CFAP251: variants seen among roughly 807,000 people sequenced by gnomAD.
CFAP251 encodes the protein cilia and flagella associated protein 251, also known as cilia- and flagella-associated protein 251.
CFAP251 carries 93 observed loss-of-function variants against 126.7 expected under a neutral mutation model. The ratio of observed to expected loss-of-function variants is 0.73; its 90% CI spans 0.62 to 0.87. The LOEUF is 0.87. CFAP251 is among the 40% of genes least tolerant of loss of function. CFAP251 has a pLI of 0.00. For missense variants in CFAP251, 1,287 were observed against 1,389.2 expected (o/e 0.93, Z 1.17); for synonymous variants, 503 against 506.9 (o/e 0.99, Z 0.10).
At chr12:121,957,345 G>A in intron 11 of CFAP251, 77 bp downstream of exon 11, 3 of 1,393,370 alleles carry the variant, frequency 2.2e-6, no homozygotes, top group Non-Finnish European at 2.9e-6. Context: ...TACAGTGGGA[G>A]GTTCGTGTTG....
intron 7 of CFAP251, among the ~76,000 whole-genome samples, chr12:121,947,217 G>T (rs141038547): frequency 6.6e-6 from 1 of 151,934 alleles, no homozygotes; most frequent in East Asian, 1.9e-4. Context: ...TTCTTTCTTT[G>T]GCTATATCTA....
In CFAP251 at chr12:121,928,705, T is replaced by TATA. The variant is rs370530855; in HGVS notation, c.748-3041_748-3040insATA. Among the ~76,000 whole-genome samples, 178 of 48,320 alleles carry TATA rather than the reference T, an allele frequency of 3.7e-3. 5 individuals are homozygous for TATA. The highest frequency in any genetic ancestry group is 0.023 in the Middle Eastern group (1 of 44). The allele number at this position is 48,320 out of a possible 152,430, so 31.7% of individuals were successfully genotyped here. On this transcript the variant is annotated intron_variant, in intron 3 of 21. Transcript: ENST00000288912. The stretch of plus-strand genomic sequence containing the variant: ...ATATATATACGTATATATATATATA[T>TATA]TTTTTTTTTGAGACAGGGTCTTGCT...
In CFAP251 at chr12:122,003,705, T is replaced by C. The variant is rs779012020; in HGVS notation, c.3391T>C (p.Phe1131Leu). 3.1e-6 allele frequency: 5 copies of C among 1,610,368 alleles called. No homozygotes were observed. The highest frequency in any genetic ancestry group is 2.2e-5 in the South Asian group (2 of 89,942). Residue 1131 changes from phenylalanine (F) to leucine (L), a missense_variant, in exon 22 of 22, where the codon TTC (phenylalanine) becomes CTC (leucine). Phe to Leu is a conservative substitution (Grantham distance 22). Transcript: ENST00000288912. ...ELPDEITAEI[F>L]ATEILGLTIS... ...TCCAGACGAAATCACTGCAGAAATA[T>C]TCGCGACTGAAATTCTTGGCTTAAC...
intron 19 of CFAP251, among the ~76,000 whole-genome samples, chr12:121,978,157 C>A (rs187970468): frequency 6.6e-6 from 1 of 151,070 alleles, no homozygotes; most frequent in African/African-American, 2.4e-5. Flanking sequence ...CTTTGGGAGG[C>A]CGAGGCGGGT....
chr12:121,995,093 T>A (rs551974031), intron 19 of CFAP251, among the ~76,000 whole-genome samples: 1 of 152,356 alleles, frequency 6.6e-6, no homozygotes, highest in Admixed American at 6.5e-5. Flanking sequence ...TGCATACGTA[T>A]TACTGTATTC....
chr12:121,988,886 C>A (rs892262263), intron 19 of CFAP251, among the ~76,000 whole-genome samples: 1 of 151,912 alleles, frequency 6.6e-6, no homozygotes, highest in Non-Finnish European at 1.5e-5. Flanking sequence ...CAGGTGCCCG[C>A]CCCCACGCCC....
intron 15 of CFAP251, among the ~76,000 whole-genome samples, chr12:121,966,019 C>G (rs994879074): frequency 6.6e-6 from 1 of 151,886 alleles, no homozygotes. Flanking sequence ...AACTCCTAAC[C>G]CCAAGCAATC....
At position 121,931,846 on chromosome 12, in the gene CFAP251, T is replaced by C. The variant is rs1446644966; in HGVS notation, c.848T>C (p.Ile283Thr). 1.2e-6 allele frequency: 2 copies of C among 1,604,140 alleles called. No homozygotes were observed. Among genetic ancestry groups the C allele is most frequent in the Non-Finnish European group, 1.7e-6 (2 of 1,176,034 alleles). The change falls in exon 4 of 22, where the codon ATC (isoleucine) becomes ACC (threonine). Residue 283 changes from isoleucine (I) to threonine (T), a missense_variant. Ile to Thr is a moderately conservative substitution (Grantham distance 89). Coordinates refer to ENST00000288912, the MANE Select transcript of CFAP251 (RefSeq NM_144668.6). ...VLLYVCAHTA[I>T]IYNVFRNNQY... ...CTGTATGTTTGTGCTCACACTGCGA[T>C]CATCTACAACGTGTTCAGGAACAAT...
At chr12:121,983,629 G>T (rs1565922144) in intron 19 of CFAP251, among the ~76,000 whole-genome samples, 2 of 152,076 alleles carry the variant, frequency 1.3e-5, no homozygotes, top group Admixed American at 6.6e-5. Context: ...GTTTGCACTG[G>T]ATGTTGTATG....
chr12:121,976,897 G>C (rs1172533210), intron 19 of CFAP251, among the ~76,000 whole-genome samples: 1 of 152,084 alleles, frequency 6.6e-6, no homozygotes, highest in African/African-American at 2.4e-5. Flanking sequence ...GACAGAGCGA[G>C]ACCCTGTCTC....
Position 121,968,130 on chromosome 12 carries a change from G to A in CFAP251, c.2732G>A (p.Gly911Glu), listed in dbSNP as rs759923914. Residue 911 changes from glycine to glutamate, a missense_variant, in exon 17 of 22, where the codon GGG becomes GAG. Gly to Glu is a moderately conservative substitution (Grantham distance 98). Transcript: ENST00000288912. ...YDGCYAFTAG[G>E]HDRSVVQWKI... ...GGCTGCTACGCCTTCACTGCGGGAG[G>A]GCACGATCGCTCGGTGGTGCAGTGG... 1.2e-6 allele frequency: 2 copies of A among 1,612,172 alleles called. No homozygotes were observed. Among genetic ancestry groups the A allele is most frequent in the Admixed American group, 3.3e-5 (2 of 59,962 alleles).
At position 121,951,513 on chromosome 12, in the gene CFAP251, C is replaced by T; in HGVS notation, c.1303C>T (p.Pro435Ser). 2 of 1,582,710 alleles carry T rather than the reference C, an allele frequency of 1.3e-6. No homozygotes were observed. Among genetic ancestry groups the T allele is most frequent in the Middle Eastern group, 1.7e-4 (1 of 5,934 alleles). Residue 435 changes from proline to serine, a missense_variant, in exon 9 of 22, where the codon CCA (proline) becomes TCA (serine). Pro to Ser is a moderately conservative substitution (Grantham distance 74). Transcript: ENST00000288912. The stretch of plus-strand genomic sequence containing the variant: ...GAGGGATACACTGGCTCACAGTGCC[C>T]CACTTTTAACTGAAAAAGTGAGTAT... ...EERDTLAHSAPLLTEKTFNKL... is the reference protein window; with the variant it reads ...EERDTLAHSASLLTEKTFNKL...
At position 122,001,605 on chromosome 12, in the gene CFAP251, C is replaced by G. The variant is rs780080665; in HGVS notation, c.3337+7C>G. 2 of 1,612,686 alleles carry G rather than the reference C, an allele frequency of 1.2e-6. No individual in the cohort carries two copies. Among genetic ancestry groups the G allele is most frequent in the Non-Finnish European group, 1.7e-6 (2 of 1,178,712 alleles). On this transcript the variant is annotated splice_region_variant and intron_variant, in intron 21 of 21. Coordinates refer to ENST00000288912, the MANE Select transcript of CFAP251 (RefSeq NM_144668.6). ...GCAACCTGCTCCGTCAAAGGTACCC[C>G]AGCTGGCTTTGTCTGGGCATGTAGC...
intron 12 of CFAP251, 28 bp downstream of exon 12, chr12:121,958,550 G>A (rs374530029): frequency 5.6e-6 from 9 of 1,612,898 alleles, no homozygotes; most frequent in Middle Eastern, 1.7e-4. Flanking sequence ...GCCTACCATC[G>A]GTTCCACATG....
chr12:121,925,757 C>T (rs190558731), intron 3 of CFAP251, among the ~76,000 whole-genome samples: 9 of 152,340 alleles, frequency 5.9e-5, no homozygotes, highest in Non-Finnish European at 1.3e-4. Flanking sequence ...TTTTGGGTCT[C>T]GCTTAGCCTT....
At chr12:121,991,659 C>A (rs1247116125) in intron 19 of CFAP251, among the ~76,000 whole-genome samples, 1 of 152,040 alleles carries the variant, frequency 6.6e-6, no homozygotes, top group East Asian at 1.9e-4. Flanking sequence ...TCAAATCATT[C>A]GAATGAGAAG....
chr12:121,966,237 C>CCCTCA (rs1882129171), intron 15 of CFAP251, among the ~76,000 whole-genome samples: 1 of 16,052 alleles, frequency 6.2e-5, no homozygotes. Context: ...CCCTCCCCTC[C>CCCTCA]CCTTCCCTCC....
intron 19 of CFAP251, among the ~76,000 whole-genome samples, chr12:121,980,839 G>A (rs1166366579): frequency 1.3e-5 from 2 of 152,210 alleles, no homozygotes; most frequent in Non-Finnish European, 2.9e-5. Context: ...ATGGAGAAAG[G>A]GAAGAAGCAC....
intron 7 of CFAP251, among the ~76,000 whole-genome samples, chr12:121,944,076 TC>T (rs1279002728): frequency 6.6e-6 from 1 of 152,204 alleles, no homozygotes; most frequent in Non-Finnish European, 1.5e-5. Flanking sequence ...AAAGTTTCTA[TC>T]AGGTCTCCTT....
Sources: allele counts gnomAD v4.1 joint callset (sites outside exome capture counted in the v4.1 genomes callset), GRCh38; gene constraint gnomAD v4.1.1; transcripts MANE v1.5; gene names NCBI Gene and HGNC (gene_info 2026-07-23, HGNC 2026-07-21).